Variants in TINAG observed in about 807,000 individuals in gnomAD.
The protein encoded by TINAG is tubulointerstitial nephritis antigen.
Under a neutral mutation model 72.7 loss-of-function variants are expected in TINAG, and 83 were observed. The ratio of observed to expected loss-of-function variants is 1.14; its 90% CI spans 0.96 to 1.37. The LOEUF (loss-of-function observed/expected upper bound fraction) is 1.37, where lower values mean the gene tolerates loss of function less well. TINAG is among the 40% of genes most tolerant of loss of function. The probability of loss-of-function intolerance (pLI) is 0.00; values close to 1 mark genes in which losing one functional copy is unlikely to be tolerated. For synonymous variants in TINAG, 234 were observed against 189.9 expected, an observed-to-expected ratio of 1.23 and a Z score of -1.91; for missense variants, 685 against 576.6, an observed-to-expected ratio of 1.19 and a Z score of -1.93.
At chr6:54,309,180 G>A (rs968930661) in intron 1 of TINAG, among the ~76,000 whole-genome samples, 3 of 152,018 alleles carry the variant, frequency 2.0e-5, no homozygotes, top group Admixed American at 1.3e-4. Context: ...CACTCAACTT[G>A]TATAAGGATT....
intron 10 of TINAG, among the ~76,000 whole-genome samples, chr6:54,389,537 C>T (rs185658968): frequency 9.3e-4 from 142 of 152,280 alleles, no homozygotes; most frequent in African/African-American, 2.9e-3. Flanking sequence ...GCATTTCAAA[C>T]GCTCAGGCCT....
At chr6:54,316,452 G>A (rs1293774069) in intron 1 of TINAG, among the ~76,000 whole-genome samples, 2 of 152,050 alleles carry the variant, frequency 1.3e-5, no homozygotes, top group East Asian at 1.9e-4. Context: ...TAATAATCTA[G>A]GGTTGATCAA....
intron 4 of TINAG, among the ~76,000 whole-genome samples, chr6:54,328,508 G>C (rs1037330750): frequency 1.3e-5 from 2 of 152,112 alleles, no homozygotes; most frequent in African/African-American, 4.8e-5. Flanking sequence ...TCCACAAGAT[G>C]AGGAAAAATC....
chr6:54,328,023 G>C (rs1412571624), intron 4 of TINAG, among the ~76,000 whole-genome samples: 1 of 152,118 alleles, frequency 6.6e-6, no homozygotes, highest in African/African-American at 2.4e-5. Context: ...TAGGGGAAGG[G>C]GCAGCTGTGG....
chr6:54,342,768 C>A (rs1456907155), intron 4 of TINAG, among the ~76,000 whole-genome samples: 2 of 152,098 alleles, frequency 1.3e-5, no homozygotes, highest in African/African-American at 2.4e-5. Context: ...TTCCTTGGGG[C>A]TCTATACACA....
intron 1 of TINAG, among the ~76,000 whole-genome samples, chr6:54,310,656 T>C (rs1423959850): frequency 6.7e-6 from 1 of 149,834 alleles, no homozygotes; most frequent in Admixed American, 6.6e-5. Flanking sequence ...TTCTTTCTCT[T>C]TCTTTTTCTC....
chr6:54,308,391 A>G, upstream of TINAG: 1 of 652,890 alleles, frequency 1.5e-6, no homozygotes, highest in Non-Finnish European at 2.6e-6. Context: ...TTCTTGATTA[A>G]TGTTTAACTA....
chr6:54,365,492 A>C (rs1763379432), intron 9 of TINAG: 1 of 151,480 alleles, frequency 6.6e-6, no homozygotes, highest in Non-Finnish European at 1.5e-5. Flanking sequence ...ATCATCTGTG[A>C]GGGTCACATG....
At chr6:54,349,098 A>G (rs1785199069) in intron 6 of TINAG, among the ~76,000 whole-genome samples, 1 of 151,934 alleles carries the variant, frequency 6.6e-6, no homozygotes, top group Non-Finnish European at 1.5e-5. Flanking sequence ...TTTCTCTTTT[A>G]GATAATACAC....
chr6:54,364,049 G>A (rs1203080551), intron 9 of TINAG, among the ~76,000 whole-genome samples: 1 of 151,494 alleles, frequency 6.6e-6, no homozygotes, highest in Non-Finnish European at 1.5e-5. Context: ...AGAAGGTTAG[G>A]TTATCTGTAG....
chr6:54,339,555 T>TA (rs1784949195), intron 4 of TINAG, among the ~76,000 whole-genome samples: 1 of 151,630 alleles, frequency 6.6e-6, no homozygotes, highest in South Asian at 2.1e-4. Context: ...TTGAGGGGGG[T>TA]GCATGGAGGG....
chr6:54,351,463 C>T, intron 8 of TINAG, 66 bp downstream of exon 8: 1 of 1,438,386 alleles, frequency 7.0e-7, no homozygotes, highest in Non-Finnish European at 9.7e-7. Flanking sequence ...ACATTGAGCT[C>T]ATGTAATAGG....
intron 9 of TINAG, among the ~76,000 whole-genome samples, chr6:54,374,353 A>G (rs561860501): frequency 6.6e-6 from 1 of 152,234 alleles, no homozygotes; most frequent in African/African-American, 2.4e-5. Context: ...ACCTGATCTT[A>G]GATATATTGA....
intron 8 of TINAG, among the ~76,000 whole-genome samples, chr6:54,352,668 C>A (rs185869660): frequency 2.0e-5 from 3 of 151,516 alleles, no homozygotes; most frequent in African/African-American, 7.2e-5. Flanking sequence ...TAACTTTGGG[C>A]AATTTTCTTA....
At chr6:54,364,747 T>C (rs1208648648) in intron 9 of TINAG, among the ~76,000 whole-genome samples, 1 of 151,466 alleles carries the variant, frequency 6.6e-6, no homozygotes, top group Non-Finnish European at 1.5e-5. Flanking sequence ...TACTTTGTAG[T>C]CATAAACCAT....
At chr6:54,310,539 C>G (rs1403233732) in intron 1 of TINAG, among the ~76,000 whole-genome samples, 3 of 145,460 alleles carry the variant, frequency 2.1e-5, no homozygotes, top group Non-Finnish European at 4.5e-5. Context: ...CTCTCTCTGT[C>G]TCTCTCCCCT....
At chr6:54,376,187 T>C (rs1486797256) in intron 9 of TINAG, among the ~76,000 whole-genome samples, 1 of 152,198 alleles carries the variant, frequency 6.6e-6, no homozygotes, top group Admixed American at 6.6e-5. Context: ...TTTTCATGTG[T>C]TAACTTGTAG....
intron 5 of TINAG, among the ~76,000 whole-genome samples, chr6:54,343,571 G>C (rs1183139825): frequency 6.6e-6 from 1 of 150,714 alleles, no homozygotes; most frequent in Non-Finnish European, 1.5e-5. Flanking sequence ...TTTAAATAGA[G>C]AGCGAATCAA....
chr6:54,376,923 T>C (rs1763800268), intron 9 of TINAG, among the ~76,000 whole-genome samples: 1 of 152,102 alleles, frequency 6.6e-6, no homozygotes, highest in Admixed American at 6.6e-5. Context: ...GTAGGGAGAC[T>C]GAAGGGCTCA....
Sources: gnomAD v4.1 joint callset for allele counts (sites outside exome capture counted in the v4.1 genomes callset) on GRCh38, gnomAD v4.1.1 for gene constraint, MANE v1.5 for transcripts, NCBI Gene and HGNC (gene_info 2026-07-23, HGNC 2026-07-21) for gene names.